WDR27: variants seen among roughly 807,000 people sequenced by gnomAD.
WDR27 encodes the protein WD repeat domain 27.
In WDR27, 100 loss-of-function variants were observed where a neutral mutation model predicts 114.4. That is an observed-to-expected ratio of 0.87 (90% CI 0.74 to 1.03). The LOEUF is 1.03. Ranked by LOEUF, WDR27 falls within the 50% of genes least tolerant of loss-of-function variation. WDR27 has a pLI of 0.00. For missense variants in WDR27, 1,129 were observed against 1,092.9 expected, an observed-to-expected ratio of 1.03 and a Z score of -0.47; for synonymous variants, 449 against 423.1, an observed-to-expected ratio of 1.06 and a Z score of -0.75.
intron 25 of WDR27, among the ~76,000 whole-genome samples, chr6:169,523,752 A>C (rs923337520): frequency 3.9e-5 from 6 of 152,114 alleles, no homozygotes; most frequent in Admixed American, 3.9e-4. Context: ...TTTATGATTA[A>C]AAAAACCCTC....
intron 1 of WDR27, among the ~76,000 whole-genome samples, chr6:169,694,373 T>G (rs1292218675): frequency 1.3e-5 from 2 of 152,096 alleles, no homozygotes; most frequent in African/African-American, 4.8e-5. Flanking sequence ...CCACATACAC[T>G]GCTGGTAAAA....
At chr6:169,489,901 T>C (rs955991508) in intron 25 of WDR27, among the ~76,000 whole-genome samples, 8 of 152,246 alleles carry the variant, frequency 5.3e-5, no homozygotes, top group African/African-American at 1.9e-4. Context: ...GTAGTCTTTC[T>C]GGCTTCCTCC....
At chr6:169,574,696 G>A (rs769138513) in intron 24 of WDR27, among the ~76,000 whole-genome samples, 5 of 152,154 alleles carry the variant, frequency 3.3e-5, no homozygotes, top group East Asian at 3.9e-4. Context: ...GTGTGTGGTG[G>A]GGGCCGGCGC....
At chr6:169,699,159 C>A (rs1233228550) in intron 1 of WDR27, among the ~76,000 whole-genome samples, 1 of 152,188 alleles carries the variant, frequency 6.6e-6, no homozygotes, top group East Asian at 1.9e-4. Context: ...GCAGCCAACA[C>A]ACGGAATTGG....
At position 169,701,597 on chromosome 6, in the gene WDR27, G is replaced by A. The variant is rs1035981241; in HGVS notation, c.-54C>T. On this transcript the variant is annotated 5_prime_UTR_variant, in exon 1 of 26. Coordinates refer to ENST00000448612, the MANE Select transcript of WDR27 (RefSeq NM_182552.5). Reference sequence around the variant, plus strand: ...TCCACATGCGCTCAGTTCTCAAAGCGCCGATCTCAAGCGGCCGCCCGGATG... The same window carrying A: ...TCCACATGCGCTCAGTTCTCAAAGCACCGATCTCAAGCGGCCGCCCGGATG... The A allele has an allele frequency of 1.2e-5, 2 of 165,718 alleles. No homozygotes were observed. The highest frequency in any genetic ancestry group is 6.2e-5 in the Admixed American group (1 of 16,236). The allele number at this position is 165,718 out of a possible 1,614,324, so 10.3% of individuals were successfully genotyped here.
intron 23 of WDR27, among the ~76,000 whole-genome samples, chr6:169,589,684 G>A (rs1047646736): frequency 5.9e-5 from 9 of 152,090 alleles, no homozygotes. Context: ...TAGTAGATAG[G>A]CAGGTTTCTT....
intron 21 of WDR27, among the ~76,000 whole-genome samples, chr6:169,617,195 G>A (rs1480501184): frequency 2.6e-5 from 4 of 152,148 alleles, no homozygotes; most frequent in African/African-American, 4.8e-5. Context: ...AAAGAAAGGA[G>A]AGCAGCCCTC....
rs1304543071 is a variant in WDR27, at chr6:169,643,704, C to T, written c.1740G>A (p.Val580=). 5.0e-6 allele frequency: 8 copies of T among 1,613,248 alleles called. No individual in the cohort carries two copies. Among genetic ancestry groups the T allele is most frequent in the Non-Finnish European group, 6.8e-6 (8 of 1,179,600 alleles). The part of the protein sequence containing the change: ...FDASLTGTPA[V]FSGHDGAVNA... ...AATTAAGACATGTTTTACCTGAAAA[C>T]ACAGCAGGTGTCCCAGTCAGGCTGG... Residue 580 remains valine, a synonymous_variant, in exon 17 of 26, where the codon GTG becomes GTA. Coordinates refer to ENST00000448612, the MANE Select transcript of WDR27 (RefSeq NM_182552.5).
intron 22 of WDR27, among the ~76,000 whole-genome samples, chr6:169,607,433 A>C (rs1436942948): frequency 7.1e-5 from 9 of 126,176 alleles, no homozygotes; most frequent in Middle Eastern, 8.2e-3. Context: ...CATATAATAT[A>C]ATATTATTCA....
rs1263240313 is a variant in WDR27 at position 169,583,455 on chromosome 6, C to T, written c.2425-521G>A. Among the ~76,000 whole-genome samples, 6 of 145,196 alleles carry T rather than the reference C, an allele frequency of 4.1e-5. No individual in the cohort carries two copies. In the East Asian group the frequency reaches 1.3e-3, roughly 31 times the overall value. On this transcript the variant is annotated intron_variant, in intron 23 of 25. Transcript: ENST00000448612. ...TTTATAGCTGTTGATAAATAAGTTCCTCTTTAATTGTGTGTGTGTGTGTGT... is the reference window on the plus strand; with the variant it reads ...TTTATAGCTGTTGATAAATAAGTTCTTCTTTAATTGTGTGTGTGTGTGTGT...
At chr6:169,660,478 G>A (rs1044850038) in intron 10 of WDR27, among the ~76,000 whole-genome samples, 185 bp downstream of exon 10, 3 of 152,176 alleles carry the variant, frequency 2.0e-5, no homozygotes, top group Non-Finnish European at 4.4e-5. Flanking sequence ...GAGGGTCCGG[G>A]AAGGGCCCTC....
intron 23 of WDR27, 59 bp downstream of exon 23, chr6:169,602,160 G>T: frequency 7.6e-7 from 1 of 1,311,734 alleles, no homozygotes; most frequent in Non-Finnish European, 1.1e-6. Flanking sequence ...ATATTAAACA[G>T]TCTACACATT....
chr6:169,440,253 T>C, the WDR27 span, among the ~76,000 whole-genome samples: 1 of 152,210 alleles, frequency 6.6e-6, no homozygotes, highest in African/African-American at 2.4e-5. Context: ...GAGTTTTTAT[T>C]ATCTACCTGT....
At chr6:169,696,141 G>C (rs1376533164) in intron 1 of WDR27, among the ~76,000 whole-genome samples, 1 of 152,192 alleles carries the variant, frequency 6.6e-6, no homozygotes, top group East Asian at 1.9e-4. Flanking sequence ...ACGAATACAA[G>C]TGCCTACAAA....
chr6:169,495,000 G>C (rs548136808), intron 25 of WDR27, among the ~76,000 whole-genome samples: 2 of 152,068 alleles, frequency 1.3e-5, no homozygotes, highest in Admixed American at 6.5e-5. Flanking sequence ...ACACATTACC[G>C]TAAGTCAATG....
intron 25 of WDR27, among the ~76,000 whole-genome samples, chr6:169,570,051 G>C (rs1164927052): frequency 6.6e-6 from 1 of 152,090 alleles, no homozygotes; most frequent in Non-Finnish European, 1.5e-5. Flanking sequence ...CCATCACATT[G>C]GGCACCACGG....
chr6:169,656,524 A>ATG (rs1824241947), intron 13 of WDR27, among the ~76,000 whole-genome samples: 1 of 151,968 alleles, frequency 6.6e-6, no homozygotes, highest in Non-Finnish European at 1.5e-5. Context: ...GGGGGAAAGC[A>ATG]TGTGAGGCGG....
At chr6:169,579,526 G>A (rs778095366) in intron 24 of WDR27, among the ~76,000 whole-genome samples, 1 of 151,996 alleles carries the variant, frequency 6.6e-6, no homozygotes, top group Non-Finnish European at 1.5e-5. Flanking sequence ...AACCAGCTGG[G>A]GCCAAGATGG....
the WDR27 span, among the ~76,000 whole-genome samples, chr6:169,427,432 G>A: frequency 8.3e-6 from 1 of 119,820 alleles, no homozygotes; most frequent in Non-Finnish European, 2.2e-5. Flanking sequence ...CAGCGCCTAG[G>A]ACCGTGGGCC....
Sources: gnomAD v4.1 joint callset for allele counts (sites outside exome capture counted in the v4.1 genomes callset) on GRCh38, gnomAD v4.1.1 for gene constraint, MANE v1.5 for transcripts, NCBI Gene and HGNC (gene_info 2026-07-23, HGNC 2026-07-21) for gene names.